USP49: variants seen among roughly 807,000 people sequenced by gnomAD.
The protein encoded by USP49 is ubiquitin specific peptidase 49.
In USP49, 24 loss-of-function variants were observed where a neutral mutation model predicts 58.6. That is an observed-to-expected ratio of 0.41 (90% CI 0.30 to 0.58). The LOEUF is 0.58. Among genes scored for constraint, USP49 ranks in the 20% least tolerant of loss-of-function variants. The pLI, the probability that USP49 is intolerant of heterozygous loss-of-function variation, is 0.30. For missense variants in USP49, 703 were observed against 866.1 expected (o/e 0.81, Z 2.36); for synonymous variants, 408 against 365.1 (o/e 1.12, Z -1.34).
chr6:41,825,229 A>C (rs1773518037), intron 3 of USP49, among the ~76,000 whole-genome samples: 1 of 152,230 alleles, frequency 6.6e-6, no homozygotes, highest in African/African-American at 2.4e-5. Flanking sequence ...AAACACCCTA[A>C]GCCAATCAAC....
rs113908900 is a variant in USP49, at chr6:41,806,180, G to C, written c.804C>G (p.Leu268=). 4 of 1,613,290 alleles carry C rather than the reference G, an allele frequency of 2.5e-6. No homozygotes were observed. The South Asian group carries it at 3.3e-5, about 13-fold the overall frequency. The change falls in exon 4 of 8, where the codon CTC becomes CTG. Residue 268 remains leucine (L), a synonymous_variant. Transcript: ENST00000682992. This position sits in a 1 kb window ranked among gnomAD's most constrained non-coding sequence, Gnocchi z 5.9. ...ACTTCTGGAGGTGGCTGAGCACCTGGAGGATGGAGTTCATGTAGCAGGTGT... is the reference window on the plus strand; with the variant it reads ...ACTTCTGGAGGTGGCTGAGCACCTGCAGGATGGAGTTCATGTAGCAGGTGT... ...LGNTCYMNSI[L]QVLSHLQKFR...
chr6:41,855,575 T>C (rs1774113808), intron 3 of USP49, among the ~76,000 whole-genome samples: 1 of 152,160 alleles, frequency 6.6e-6, no homozygotes, highest in East Asian at 1.9e-4. Flanking sequence ...CCCTTAGCAC[T>C]CTGCAAAATG....
intron 3 of USP49, among the ~76,000 whole-genome samples, chr6:41,814,892 C>T (rs982737558): frequency 7.2e-5 from 11 of 152,210 alleles, no homozygotes; most frequent in Admixed American, 3.9e-4. Flanking sequence ...CTGCCATATG[C>T]GACAGTGCTG....
intron 6 of USP49, 120 bp from the exon 7 acceptor site, chr6:41,799,049 T>A: frequency 7.9e-7 from 1 of 1,259,900 alleles, no homozygotes; most frequent in Non-Finnish European, 1.1e-6. Flanking sequence ...GGTTTTCCCA[T>A]CAATAAAATG....
At chr6:41,857,980 T>C (rs976668478) in intron 3 of USP49, among the ~76,000 whole-genome samples, 3 of 152,198 alleles carry the variant, frequency 2.0e-5, no homozygotes, top group African/African-American at 7.2e-5. Context: ...ACCAGGGATT[T>C]AGCAGACATC....
At chr6:41,894,464 A>G (rs1774862171) in intron 1 of USP49, 1 of 152,058 alleles carries the variant, frequency 6.6e-6, no homozygotes, top group African/African-American at 2.4e-5. Context: ...ATTTACATCC[A>G]TCGCCCACCC....
At chr6:41,824,106 T>C (rs143215964) in intron 3 of USP49, among the ~76,000 whole-genome samples, 217 of 152,268 alleles carry the variant, frequency 1.4e-3, no homozygotes, top group African/African-American at 5.1e-3. Flanking sequence ...CCAGCCTTGT[T>C]ACTCATCCCC....
intron 3 of USP49, 133 bp from the exon 4 acceptor site, chr6:41,807,144 T>C: frequency 3.0e-6 from 3 of 1,006,506 alleles, no homozygotes; most frequent in Non-Finnish European, 3.9e-6. Context: ...CATTTTCAAC[T>C]CCAAATTGGT....
intron 2 of USP49, chr6:41,873,987 C>G (rs917298356): frequency 6.6e-6 from 1 of 152,204 alleles, no homozygotes; most frequent in Non-Finnish European, 1.5e-5. Flanking sequence ...AAACAAATCA[C>G]TACAGTAGGA....
At chr6:41,859,327 G>A (rs1025575584) in intron 3 of USP49, among the ~76,000 whole-genome samples, 1 of 152,112 alleles carries the variant, frequency 6.6e-6, no homozygotes, top group African/African-American at 2.4e-5. Context: ...CCCTCCCCTA[G>A]AACATTTTCA....
intron 2 of USP49, among the ~76,000 whole-genome samples, chr6:41,888,942 T>G (rs1243361385): frequency 6.6e-6 from 1 of 152,214 alleles, no homozygotes; most frequent in Non-Finnish European, 1.5e-5. Flanking sequence ...AAATTTAGGT[T>G]TATTTGGGGG....
chr6:41,881,107 T>C (rs1195227546), intron 2 of USP49, among the ~76,000 whole-genome samples: 2 of 151,274 alleles, frequency 1.3e-5, no homozygotes, highest in African/African-American at 4.9e-5. Context: ...TAATTTTTTG[T>C]ATTTTTAGTA....
chr6:41,842,693 C>T (rs2127347206), intron 3 of USP49, among the ~76,000 whole-genome samples: 1 of 152,158 alleles, frequency 6.6e-6, no homozygotes, highest in Admixed American at 6.6e-5. Flanking sequence ...TAAATTACTG[C>T]AAAAGTCAGC....
chr6:41,805,593 C>T, intron 4 of USP49, 35 bp downstream of exon 4: 1 of 1,581,440 alleles, frequency 6.3e-7, no homozygotes. Context: ...AGCTAACATA[C>T]AAGCCTCTCA....
At chr6:41,893,358 G>C (rs983431136) in intron 1 of USP49, among the ~76,000 whole-genome samples, 19 of 152,298 alleles carry the variant, frequency 1.2e-4, no homozygotes, top group African/African-American at 4.6e-4. Flanking sequence ...TCCTTGGTTG[G>C]TTATCTGCCT....
chr6:41,884,854 C>T (rs566632216), intron 2 of USP49, among the ~76,000 whole-genome samples: 71 of 152,112 alleles, frequency 4.7e-4, no homozygotes, highest in Admixed American at 1.6e-3. Context: ...AATGAGAAAC[C>T]ATCCTTAAAA....
intron 3 of USP49, among the ~76,000 whole-genome samples, chr6:41,850,723 G>C (rs1774012506): frequency 6.6e-6 from 1 of 151,066 alleles, no homozygotes; most frequent in Admixed American, 6.6e-5. Flanking sequence ...TCATGTCTCA[G>C]CCTCCTGAGT....
intron 3 of USP49, among the ~76,000 whole-genome samples, chr6:41,816,879 T>C (rs1773361168): frequency 6.7e-6 from 1 of 149,108 alleles, no homozygotes; most frequent in Non-Finnish European, 1.5e-5. Context: ...TAATTTTTTG[T>C]ATTTTTGGTG....
At chr6:41,850,457 A>C (rs1055028234) in intron 3 of USP49, among the ~76,000 whole-genome samples, 32 of 151,176 alleles carry the variant, frequency 2.1e-4, no homozygotes, top group African/African-American at 7.3e-4. Flanking sequence ...GAAAGAAAAA[A>C]AAAAAAAATA....
Sources: gnomAD v4.1 joint callset for allele counts (sites outside exome capture counted in the v4.1 genomes callset) on GRCh38, gnomAD v4.1.1 for gene constraint, Gnocchi (gnomAD v3.1) non-coding constraint, MANE v1.5 for transcripts, NCBI Gene and HGNC (gene_info 2026-07-23, HGNC 2026-07-21) for gene names.